The following MACROD2 variants were observed in gnomAD, a reference collection of about 807,000 sequenced individuals.
MACROD2 encodes ADP-ribose glycohydrolase MACROD2.
In MACROD2, 36 loss-of-function variants were observed where a neutral mutation model predicts 70.4. That is an observed-to-expected ratio of 0.51 (90% CI 0.39 to 0.68). MACROD2 has a LOEUF of 0.68. Ranked by LOEUF, MACROD2 falls within the 30% of genes least tolerant of loss-of-function variation. The pLI, the probability that MACROD2 is intolerant of heterozygous loss-of-function variation, is 0.00. For missense variants in MACROD2, 496 were observed against 538.4 expected (o/e 0.92, Z 0.78); for synonymous variants, 172 against 178.8 (o/e 0.96, Z 0.30).
intron 8 of MACROD2, among the ~76,000 whole-genome samples, chr20:15,849,119 T>C (rs6135568): frequency 0.054 from 8,287 of 152,286 alleles, 393 homozygotes; most frequent in East Asian, 0.21. Flanking sequence ...TTCCTTCCTT[T>C]CTTTTATGTT....
intron 2 of MACROD2, among the ~76,000 whole-genome samples, chr20:14,067,108 G>C (rs1185993484): frequency 6.9e-6 from 1 of 144,332 alleles, no homozygotes; most frequent in Non-Finnish European, 1.5e-5. Flanking sequence ...ACTGCACCTG[G>C]CCTGATTTTT....
At chr20:14,127,113 G>C (rs867794454) in intron 3 of MACROD2, among the ~76,000 whole-genome samples, 20 of 152,160 alleles carry the variant, frequency 1.3e-4, no homozygotes, top group African/African-American at 4.8e-4. Context: ...CAAATGAAAA[G>C]TTCCTGAAGG....
intron 6 of MACROD2, among the ~76,000 whole-genome samples, chr20:15,319,460 T>A (rs2077849902): frequency 6.6e-6 from 1 of 152,192 alleles, no homozygotes; most frequent in Admixed American, 6.5e-5. Context: ...AGTCACCTAC[T>A]AGAATAGCAT....
At chr20:15,062,817 T>G (rs1310288017) in intron 5 of MACROD2, among the ~76,000 whole-genome samples, 1 of 152,134 alleles carries the variant, frequency 6.6e-6, no homozygotes, top group Non-Finnish European at 1.5e-5. Context: ...CAAGGAGGCC[T>G]GCAGAGTTTT....
At chr20:15,750,585 T>C (rs1261674013) in intron 8 of MACROD2, among the ~76,000 whole-genome samples, 4 of 151,628 alleles carry the variant, frequency 2.6e-5, no homozygotes, top group Non-Finnish European at 5.9e-5. Context: ...AGAAATACAA[T>C]ATAATCCAGC....
At chr20:14,230,405 T>C (rs2081791543) in intron 3 of MACROD2, among the ~76,000 whole-genome samples, 1 of 151,958 alleles carries the variant, frequency 6.6e-6, no homozygotes, top group African/African-American at 2.4e-5. Context: ...GTAGTTTCCA[T>C]CTCAAGAAAC....
intron 8 of MACROD2, among the ~76,000 whole-genome samples, chr20:15,689,742 T>C (rs1466198932): frequency 6.6e-6 from 1 of 152,062 alleles, no homozygotes; most frequent in Non-Finnish European, 1.5e-5. Flanking sequence ...GGTGGAAGTA[T>C]ATCTGGGAGC....
chr20:14,753,201 C>G (rs1400306638), intron 5 of MACROD2, among the ~76,000 whole-genome samples: 1 of 152,078 alleles, frequency 6.6e-6, no homozygotes, highest in Non-Finnish European at 1.5e-5. Context: ...CCACATGCCT[C>G]TACTATACAC....
At chr20:15,973,074 G>A (rs2147425918) in intron 13 of MACROD2, among the ~76,000 whole-genome samples, 1 of 152,214 alleles carries the variant, frequency 6.6e-6, no homozygotes, top group African/African-American at 2.4e-5. Flanking sequence ...ATTAAACTTT[G>A]GTGATTGGAG....
intron 5 of MACROD2, among the ~76,000 whole-genome samples, chr20:15,060,860 A>C (rs1046543987): frequency 6.6e-6 from 1 of 152,210 alleles, no homozygotes; most frequent in African/African-American, 2.4e-5. Flanking sequence ...GAGTAATAGG[A>C]ACTTCTTGAG....
rs1018821873 is a variant in MACROD2, at chr20:15,923,897, T to C, written c.776-9379T>C. Among the ~76,000 whole-genome samples, 6 of 152,336 alleles carry C rather than the reference T, an allele frequency of 3.9e-5. No individual in the cohort carries two copies. In the East Asian group the frequency reaches 1.2e-3, roughly 29 times the overall value. On this transcript the variant is annotated intron_variant, in intron 10 of 17. Transcript: ENST00000684519. ...TGTCAAATAGCGATTAGCAAAACAT[T>C]TGGCTAAACAAAGCCATTATTGGAA...
At chr20:15,553,717 G>A (rs746682660) in intron 8 of MACROD2, among the ~76,000 whole-genome samples, 16 of 152,206 alleles carry the variant, frequency 1.1e-4, no homozygotes, top group Non-Finnish European at 2.1e-4. Flanking sequence ...GCACATTGTG[G>A]ACGTGCCCGG....
intron 6 of MACROD2, among the ~76,000 whole-genome samples, chr20:15,354,764 A>T (rs2245014): frequency 0.62 from 94,441 of 152,048 alleles, 29,428 homozygotes; most frequent in East Asian, 0.75. Flanking sequence ...ATGGATTATT[A>T]TGCAGCCATT....
At chr20:15,935,448 A>T (rs1377516505) in intron 11 of MACROD2, among the ~76,000 whole-genome samples, 2 of 152,182 alleles carry the variant, frequency 1.3e-5, no homozygotes, top group African/African-American at 4.8e-5. Flanking sequence ...GAGAAATCGA[A>T]GATGTGGTTA....
chr20:15,009,762 C>T (rs749197808), intron 5 of MACROD2, among the ~76,000 whole-genome samples: 1 of 150,680 alleles, frequency 6.6e-6, no homozygotes, highest in East Asian at 1.9e-4. Context: ...AGGTCTCTCC[C>T]CACCTCCCTA....
At chr20:14,470,703 C>T (rs1409294867) in intron 3 of MACROD2, among the ~76,000 whole-genome samples, 2 of 152,120 alleles carry the variant, frequency 1.3e-5, no homozygotes, top group African/African-American at 2.4e-5. Context: ...TCAGACTTCC[C>T]GGTGGCTTTG....
At chr20:15,155,568 G>C (rs186285583) in intron 5 of MACROD2, among the ~76,000 whole-genome samples, 1 of 152,232 alleles carries the variant, frequency 6.6e-6, no homozygotes, top group African/African-American at 2.4e-5. Context: ...GTGATGTCAG[G>C]CTGAGTGAGG....
intron 8 of MACROD2, among the ~76,000 whole-genome samples, chr20:15,859,648 A>G (rs2064397769): frequency 6.6e-6 from 1 of 152,182 alleles, no homozygotes; most frequent in Non-Finnish European, 1.5e-5. Context: ...TAATTCTTGG[A>G]TTCACCTTGC....
chr20:15,310,438 C>T (rs1379429967), intron 6 of MACROD2, among the ~76,000 whole-genome samples: 2 of 152,096 alleles, frequency 1.3e-5, no homozygotes, highest in African/African-American at 4.8e-5. Context: ...CCAACCCAAA[C>T]AAATTCCATT....
Sources: gnomAD v4.1 joint callset for allele counts (sites outside exome capture counted in the v4.1 genomes callset) on GRCh38, gnomAD v4.1.1 for gene constraint, MANE v1.5 for transcripts, NCBI Gene and HGNC (gene_info 2026-07-23, HGNC 2026-07-21) for gene names.